C2CD2: variants seen among roughly 807,000 people sequenced by gnomAD.
C2CD2 encodes C2 domain-containing protein 2.
A neutral mutation model predicts 74.3 loss-of-function variants in C2CD2; 43 were observed. The ratio of observed to expected loss-of-function variants is 0.58; its 90% confidence interval spans 0.45 to 0.75. C2CD2 has a LOEUF of 0.75. Ranked by LOEUF, C2CD2 falls within the 30% of genes least tolerant of loss-of-function variation. The pLI is 0.00. For missense variants in C2CD2, 801 were observed against 916.3 expected, an observed-to-expected ratio of 0.87 and a Z score of 1.63; for synonymous variants, 422 against 390.7, an observed-to-expected ratio of 1.08 and a Z score of -0.94.
At chr21:41,931,808 GCCCCACCTCCAGCATCCCACTA>G (rs1569077946) in intron 2 of C2CD2, among the ~76,000 whole-genome samples, 3 of 149,204 alleles carry the variant, frequency 2.0e-5, no homozygotes, top group East Asian at 2.0e-4. Flanking sequence ...GAAACTTTGA[GCCCCACCTCCAGCATCCCACTA>G]CCCCACCTCC....
intron 9 of C2CD2, 132 bp from the exon 10 acceptor site, chr21:41,907,298 A>G (rs568397403): frequency 7.6e-5 from 56 of 735,122 alleles, no homozygotes; most frequent in Middle Eastern, 3.4e-4. Context: ...AGCATCTCCA[A>G]TTAACCTGGA....
In C2CD2 at chr21:41,895,072, G is replaced by A. The variant is rs2064806987; in HGVS notation, c.1870+3981C>T. 1 of 410,710 alleles carries A rather than the reference G, an allele frequency of 2.4e-6. No individual in the cohort carries two copies. The highest frequency in any genetic ancestry group is 5.0e-6 in the Non-Finnish European group (1 of 201,456). The allele number at this position is 410,710 out of a possible 1,614,324, so 25.4% of individuals were successfully genotyped here. A position where few individuals can be genotyped will look rare whatever the true frequency, so the allele number is the denominator to read the frequency against. Reference sequence around the variant, plus strand: ...ATGTGGATAACAACTCCAGCCAGTGGACTTTAAGGAAAGGAGATTATCCTG... The same window carrying A: ...ATGTGGATAACAACTCCAGCCAGTGAACTTTAAGGAAAGGAGATTATCCTG... On this transcript the variant is annotated intron_variant, in intron 13 of 13. Coordinates refer to ENST00000380486, the MANE Select transcript of C2CD2 (RefSeq NM_015500.2). The surrounding 1 kb of genome is among the most constrained non-coding windows in gnomAD (Gnocchi z 5.0).
At position 41,899,525 on chromosome 21, in the gene C2CD2, C is replaced by T. The variant is rs2064867617; in HGVS notation, c.1561-163G>A. ...AGGCGCTTATACATCACGGCCGTTG[C>T]TCATGCTTGGGTTAAAAAAGGTCTC... On this transcript the variant is annotated intron_variant, in intron 12 of 13. Transcript: ENST00000380486. This position sits in a 1 kb window ranked among gnomAD's most constrained non-coding sequence, Gnocchi z 4.4. Among the ~76,000 whole-genome samples the T allele has an allele frequency of 6.6e-6, 1 of 152,182 alleles. No homozygotes were observed. The highest frequency in any genetic ancestry group is 1.5e-5 in the Non-Finnish European group (1 of 68,036).
In C2CD2 at chr21:41,939,179, T is replaced by A. The variant is rs1442836303; in HGVS notation, c.378+2968A>T. On this transcript the variant is annotated intron_variant, in intron 2 of 13. Transcript: ENST00000380486. The surrounding 1 kb of genome is among the most constrained non-coding windows in gnomAD (Gnocchi z 5.5). ...GTTATGAAAAATGTTGCTATGGTCATGGCCATACAAATACGATGCTGTTTT... is the reference window on the plus strand; with the variant it reads ...GTTATGAAAAATGTTGCTATGGTCAAGGCCATACAAATACGATGCTGTTTT... Among the ~76,000 whole-genome samples the A allele has an allele frequency of 6.6e-6, 1 of 152,236 alleles. No individual in the cohort carries two copies. The highest frequency in any genetic ancestry group is 1.5e-5 in the Non-Finnish European group (1 of 68,044).
rs370494062 is a variant in C2CD2 at position 41,912,418 on chromosome 21, G to T, written c.867C>A (p.Val289=). 6.2e-7 allele frequency: 1 copy of T among 1,611,812 alleles called. No individual in the cohort carries two copies. The highest frequency in any genetic ancestry group is 8.5e-7 in the Non-Finnish European group (1 of 1,179,162). Reference sequence around the variant, plus strand: ...TCTGAACAGGATCGTTCAGCTGCACGACGCACACTGCATTAATGTGGCCTG... The same window carrying T: ...TCTGAACAGGATCGTTCAGCTGCACTACGCACACTGCATTAATGTGGCCTG... ...GASGHINAVC[V]VQLNDPVQRF... Residue 289 remains valine, a synonymous_variant, in exon 7 of 14, where the codon GTC becomes GTA. Transcript: ENST00000380486.
rs1314592165 is a variant in C2CD2, at chr21:41,886,968, CT to C, written c.*2155del. On this transcript the variant is annotated 3_prime_UTR_variant, in exon 14 of 14. Coordinates refer to ENST00000380486, the MANE Select transcript of C2CD2 (RefSeq NM_015500.2). ...CCTGGGCAACAGAGTGAAACTCCAT[CT>C]CGAAAAAAAAATTTTTTAAATAAAA... 1 of 151,832 alleles carries C rather than the reference CT, an allele frequency of 6.6e-6. No individual in the cohort carries two copies. The highest frequency in any genetic ancestry group is 1.5e-5 in the Non-Finnish European group (1 of 67,990). The allele number at this position is 151,832 out of a possible 1,614,324, so 9.4% of individuals were successfully genotyped here. A position where few individuals can be genotyped will look rare whatever the true frequency, so the allele number is the denominator to read the frequency against.
intron 2 of C2CD2, among the ~76,000 whole-genome samples, chr21:41,937,502 A>T (rs1005915048): frequency 6.6e-6 from 1 of 152,252 alleles, no homozygotes; most frequent in Non-Finnish European, 1.5e-5. Context: ...CATTATCAGT[A>T]AGACTTCTGG....
chr21:41,924,491 T>A lies in C2CD2; in HGVS notation c.379-2406A>T, dbSNP rs1437635536. ...ATGAGTTAATTACATATTTCCATCA[T>A]CTCCAGAGTTCACAAAGGGCCAGAA... On this transcript the variant is annotated intron_variant, in intron 2 of 13. Coordinates refer to ENST00000380486, the MANE Select transcript of C2CD2 (RefSeq NM_015500.2). The surrounding 1 kb of genome is among the most constrained non-coding windows in gnomAD (Gnocchi z 4.4). 6.6e-6 allele frequency among the ~76,000 whole-genome samples: 1 copy of A among 152,170 alleles called. No individual in the cohort carries two copies. The highest frequency in any genetic ancestry group is 1.9e-4 in the East Asian group (1 of 5,198).
chr21:41,889,378 G>A (rs1230070342), intron 13 of C2CD2, 34 bp from the exon 14 acceptor site: 8 of 1,457,632 alleles, frequency 5.5e-6, no homozygotes, highest in Non-Finnish European at 6.7e-6. Context: ...TGGTCAAGTG[G>A]GCAGGGAATG....
chr21:41,887,867 C>T lies in C2CD2; in HGVS notation c.*1257G>A, dbSNP rs2064702969. 1.3e-5 allele frequency: 2 copies of T among 152,244 alleles called. 1 individual carries two copies. Among genetic ancestry groups the T allele is most frequent in the South Asian group, 4.1e-4 (2 of 4,836 alleles). 9.4% of individuals were successfully genotyped at this position (152,244 alleles called of 1,614,324 possible). A position where few individuals can be genotyped will look rare whatever the true frequency, so the allele number is the denominator to read the frequency against. ...CAAGAACACTTCACCCCAATGATGA[C>T]TGCTCTTTGACCAGCATGTCTACTG... On this transcript the variant is annotated 3_prime_UTR_variant, in exon 14 of 14. Coordinates refer to ENST00000380486, the MANE Select transcript of C2CD2 (RefSeq NM_015500.2).
intron 2 of C2CD2, among the ~76,000 whole-genome samples, chr21:41,937,789 C>G (rs2065320658): frequency 6.6e-6 from 1 of 152,236 alleles, no homozygotes. Context: ...TGAAGAAAAT[C>G]CTGTCATTTG....
In C2CD2 at chr21:41,887,216, A is replaced by ACT. The variant is rs1400186927; in HGVS notation, c.*1906_*1907dup. Reference sequence around the variant, plus strand: ...ACATCTGTCCCATCTGTCCCAAAAGACTAACAGTGATGCCTGACTTTGGGG... The same window carrying ACT: ...ACATCTGTCCCATCTGTCCCAAAAGACTCTAACAGTGATGCCTGACTTTGGGG... On this transcript the variant is annotated 3_prime_UTR_variant, in exon 14 of 14. Transcript: ENST00000380486. 6.6e-6 allele frequency: 1 copy of ACT among 152,226 alleles called. No individual in the cohort carries two copies. The highest frequency in any genetic ancestry group is 1.5e-5 in the Non-Finnish European group (1 of 68,042). The allele number at this position is 152,226 out of a possible 1,614,324, so 9.4% of individuals were successfully genotyped here. A position where few individuals can be genotyped will look rare whatever the true frequency, so the allele number is the denominator to read the frequency against.
At chr21:41,943,850 T>C (rs1337597509) in intron 1 of C2CD2, among the ~76,000 whole-genome samples, 1 of 152,224 alleles carries the variant, frequency 6.6e-6, no homozygotes, top group Non-Finnish European at 1.5e-5. Context: ...GAATTAAATG[T>C]ACTGCTCGAG....
chr21:41,950,182 G>A (rs4919957), intron 1 of C2CD2, among the ~76,000 whole-genome samples: 9,218 of 152,184 alleles, frequency 0.061, 520 homozygotes, highest in East Asian at 0.26. Flanking sequence ...TCTGATGGAT[G>A]GCAAGTGTGT....
At chr21:41,889,381 A>C in intron 13 of C2CD2, 37 bp from the exon 14 acceptor site, 2 of 1,390,704 alleles carry the variant, frequency 1.4e-6, no homozygotes, top group Non-Finnish European at 2.0e-6. Flanking sequence ...TCAAGTGGGC[A>C]GGGAATGAGG....
At chr21:41,918,474 T>C (rs1490657456) in intron 4 of C2CD2, among the ~76,000 whole-genome samples, 6 of 152,164 alleles carry the variant, frequency 3.9e-5, no homozygotes, top group Admixed American at 6.5e-5. Context: ...TCGTCAGACA[T>C]GGTGGAGCGT....
intron 2 of C2CD2, among the ~76,000 whole-genome samples, chr21:41,930,558 C>T (rs1477027308): frequency 1.3e-5 from 2 of 149,136 alleles, no homozygotes; most frequent in East Asian, 2.0e-4. Flanking sequence ...ACAAATTAGC[C>T]GGGCGTGGTG....
At position 41,922,217 on chromosome 21, in the gene C2CD2, G is replaced by A. The variant is rs569910207; in HGVS notation, c.379-132C>T. 46 of 608,418 alleles carry A rather than the reference G, an allele frequency of 7.6e-5. No homozygotes were observed. In the African/African-American group the frequency reaches 8.0e-4, roughly 11 times the overall value. 37.7% of individuals were successfully genotyped at this position (608,418 alleles called of 1,614,324 possible). A position where few individuals can be genotyped will look rare whatever the true frequency, so the allele number is the denominator to read the frequency against. ...TCTGTCGCCCAGGCTGGAGTGCAGT[G>A]GCGCGATCTCAGCTCACTGCAACCT... is the stretch of plus-strand genomic sequence containing the variant. On this transcript the variant is annotated intron_variant, in intron 2 of 13. Coordinates refer to ENST00000380486, the MANE Select transcript of C2CD2 (RefSeq NM_015500.2).
intron 3 of C2CD2, among the ~76,000 whole-genome samples, chr21:41,920,458 G>C (rs1162917665): frequency 1.3e-5 from 2 of 152,204 alleles, no homozygotes; most frequent in African/African-American, 2.4e-5. Context: ...TAGAAGCAGG[G>C]TAAGAGAAAA....
Sources: gnomAD v4.1 joint callset for allele counts (sites outside exome capture counted in the v4.1 genomes callset) on GRCh38, gnomAD v4.1.1 for gene constraint, Gnocchi (gnomAD v3.1) non-coding constraint, MANE v1.5 for transcripts, NCBI Gene and HGNC (gene_info 2026-07-23, HGNC 2026-07-21) for gene names.